UBE2J2: variants seen among roughly 807,000 people sequenced by gnomAD.
The protein encoded by UBE2J2 is ubiquitin-conjugating enzyme E2 J2.
In UBE2J2, 5 loss-of-function variants were observed where a neutral mutation model predicts 28.6. That is an observed-to-expected ratio of 0.17 (90% CI 0.09 to 0.37). UBE2J2 has a LOEUF of 0.37. Among genes scored for constraint, UBE2J2 ranks in the 10% least tolerant of loss-of-function variants. The pLI is 1.00. For missense variants in UBE2J2, 226 were observed against 338.9 expected (o/e 0.67, Z 2.62); for synonymous variants, 138 against 139.7 (o/e 0.99, Z 0.09).
chr1:1,272,683 T>G (rs113283304), intron 1 of UBE2J2, among the ~76,000 whole-genome samples: 31 of 136,180 alleles, frequency 2.3e-4, no homozygotes, highest in African/African-American at 8.4e-4. Flanking sequence ...ACTCAAGCAC[T>G]CACCTACCTG....
chr1:1,263,092 C>G, intron 3 of UBE2J2: 1 of 447,284 alleles, frequency 2.2e-6, no homozygotes, highest in South Asian at 2.8e-5. Flanking sequence ...GTTTTCTCAG[C>G]TATGGCCCTA....
chr1:1,266,636 A>T (rs539449577), intron 2 of UBE2J2, among the ~76,000 whole-genome samples: 4 of 151,852 alleles, frequency 2.6e-5, no homozygotes, highest in African/African-American at 7.3e-5. Flanking sequence ...CCTGGCTAAC[A>T]CGGTGAAACC....
rs553780474 is a variant in UBE2J2, at chr1:1,256,226, T to C, written c.415-101A>G. 45 of 836,178 alleles carry C rather than the reference T, an allele frequency of 5.4e-5. No homozygotes were observed. In the African/African-American group the frequency reaches 6.3e-4, roughly 12 times the overall value. The allele number at this position is 836,178 out of a possible 1,614,324, so 51.8% of individuals were successfully genotyped here. On this transcript the variant is annotated intron_variant, in intron 5 of 6. Coordinates refer to ENST00000349431, the MANE Select transcript of UBE2J2 (RefSeq NM_058167.3). ...AAGTCAAGGGCTGCAGTCTTCGTGT[T>C]GCAGAAAGCATTTAATAAGCACACT...
At chr1:1,269,925 T>A (rs1413967417) in intron 1 of UBE2J2, among the ~76,000 whole-genome samples, 1 of 152,168 alleles carries the variant, frequency 6.6e-6, no homozygotes, top group Non-Finnish European at 1.5e-5. Flanking sequence ...CCAAATCTTA[T>A]ATTGACTTGT....
At chr1:1,261,852 A>T (rs533044125) in intron 3 of UBE2J2, among the ~76,000 whole-genome samples, 1 of 150,800 alleles carries the variant, frequency 6.6e-6, no homozygotes, top group African/African-American at 2.5e-5. Context: ...GTTTCACCGT[A>T]TTAGCAAGGA....
chr1:1,264,360 G>C (rs1639727841), intron 2 of UBE2J2, among the ~76,000 whole-genome samples: 1 of 152,256 alleles, frequency 6.6e-6, no homozygotes, highest in African/African-American at 2.4e-5. Context: ...GCACAGAGAA[G>C]AAAGTAAAAC....
chr1:1,270,066 C>T (rs1053983111), intron 1 of UBE2J2, among the ~76,000 whole-genome samples: 1 of 152,194 alleles, frequency 6.6e-6, no homozygotes, highest in Non-Finnish European at 1.5e-5. Flanking sequence ...GCAGTGTTCC[C>T]TGCTCTTGCC....
At chr1:1,259,468 C>T (rs1213874206) in intron 3 of UBE2J2, among the ~76,000 whole-genome samples, 9 of 152,240 alleles carry the variant, frequency 5.9e-5, no homozygotes, top group South Asian at 2.1e-4. Context: ...GTCCCCAAAT[C>T]GCCACGGGCT....
In UBE2J2 at chr1:1,262,486, C is replaced by T. The variant is rs1256334368; in HGVS notation, c.172+860G>A. 2.0e-5 allele frequency: 7 copies of T among 346,526 alleles called. 1 individual carries two copies. The highest frequency in any genetic ancestry group is 4.2e-5 in the South Asian group (2 of 47,686). 21.5% of individuals were successfully genotyped at this position (346,526 alleles called of 1,614,324 possible). On this transcript the variant is annotated intron_variant, in intron 3 of 6. Transcript: ENST00000349431. ...CATTCTTACCCACCCACAACCCTCC[C>T]GACAGTCCAAAGCAGGGGTTGCAAA... is the stretch of plus-strand genomic sequence containing the variant.
At chr1:1,266,124 G>A (rs1639846635) in intron 2 of UBE2J2, 2 of 1,304,012 alleles carry the variant, frequency 1.5e-6, no homozygotes, top group African/African-American at 1.5e-5. Flanking sequence ...GGGGCCACAT[G>A]TGATTTTCAA....
rs747377113 is a variant in UBE2J2, at chr1:1,264,887, G to A, written c.132-1501C>T. 139 of 154,108 alleles carry A rather than the reference G, an allele frequency of 9.0e-4. 2 individuals carry two copies. The Middle Eastern group carries it at 0.019, about 21-fold the overall frequency. 9.5% of individuals were successfully genotyped at this position (154,108 alleles called of 1,614,324 possible). A position where few individuals can be genotyped will look rare whatever the true frequency, so the allele number is the denominator to read the frequency against. On this transcript the variant is annotated intron_variant, in intron 2 of 6. Transcript: ENST00000349431. The stretch of plus-strand genomic sequence containing the variant: ...CACACCGCTGCACTCCAGCCTGAGT[G>A]ACAGAAATAGTACTCAAAAGAAACT...
intron 2 of UBE2J2, 69 bp downstream of exon 2, chr1:1,267,793 G>A: frequency 6.3e-7 from 1 of 1,590,212 alleles, no homozygotes; most frequent in South Asian, 1.1e-5. Context: ...GGCTCGCCCA[G>A]CAGGGGCCGG....
intron 3 of UBE2J2, chr1:1,262,062 G>A (rs1229019074): frequency 2.6e-5 from 7 of 273,088 alleles, no homozygotes; most frequent in Non-Finnish European, 5.2e-5. Flanking sequence ...TCTCCGTGTT[G>A]GTCAGGCTGG....
chr1:1,260,927 T>C (rs142090501), intron 3 of UBE2J2, among the ~76,000 whole-genome samples: 4 of 152,306 alleles, frequency 2.6e-5, no homozygotes, highest in Non-Finnish European at 4.4e-5. Flanking sequence ...TTAGCAACAT[T>C]TGTAGGAAGC....
intron 2 of UBE2J2, chr1:1,266,360 G>A (rs1639861807): frequency 1.1e-5 from 3 of 284,720 alleles, no homozygotes; most frequent in Admixed American, 4.7e-5. Flanking sequence ...GGGAGGCTGA[G>A]GCAGGCAGAT....
At chr1:1,256,159 C>G in intron 5 of UBE2J2, 34 bp from the exon 6 acceptor site, 1 of 1,474,262 alleles carries the variant, frequency 6.8e-7, no homozygotes, top group Non-Finnish European at 9.5e-7. Context: ...AGCCAGAAAA[C>G]TAATTTCAAT....
At chr1:1,269,862 G>A (rs780107397) in intron 1 of UBE2J2, among the ~76,000 whole-genome samples, 2 of 152,126 alleles carry the variant, frequency 1.3e-5, no homozygotes, top group African/African-American at 2.4e-5. Flanking sequence ...CCCACAAACC[G>A]GAAGTCTACT....
At chr1:1,265,602 ATTGTGT>A (rs1357753013) in intron 2 of UBE2J2, among the ~76,000 whole-genome samples, 5 of 49,360 alleles carry the variant, frequency 1.0e-4, no homozygotes, top group South Asian at 6.4e-4. Flanking sequence ...TTTTCTCTCC[ATTGTGT>A]GTGTGTGTGT....
intron 1 of UBE2J2, among the ~76,000 whole-genome samples, chr1:1,269,337 C>T (rs1570580239): frequency 6.6e-6 from 1 of 150,526 alleles, no homozygotes. Flanking sequence ...TGGTGATCAT[C>T]ATGCAAGAGA....
Sources: gnomAD v4.1 joint callset for allele counts (sites outside exome capture counted in the v4.1 genomes callset) on GRCh38, gnomAD v4.1.1 for gene constraint, MANE v1.5 for transcripts, NCBI Gene and HGNC (gene_info 2026-07-23, HGNC 2026-07-21) for gene names.